ANXA4: variants seen among roughly 807,000 people sequenced by gnomAD.
The protein encoded by ANXA4 is annexin A4, also known as 35-beta calcimedin.
ANXA4 carries 39 observed loss-of-function variants against 49.8 expected under a neutral mutation model. The ratio of observed to expected loss-of-function variants is 0.78; its 90% CI spans 0.61 to 1.02. The LOEUF is 1.02. Among genes scored for constraint, ANXA4 ranks in the 50% least tolerant of loss-of-function variants. The probability of loss-of-function intolerance (pLI) is 0.00; values close to 1 mark genes in which losing one functional copy is unlikely to be tolerated. For missense variants in ANXA4, 360 were observed against 410.1 expected (o/e 0.88, Z 1.05); for synonymous variants, 134 against 152.5 (o/e 0.88, Z 0.89).
chr2:69,702,635 G>A (rs927453328), intron 2 of ANXA4, among the ~76,000 whole-genome samples: 7 of 152,050 alleles, frequency 4.6e-5, no homozygotes, highest in African/African-American at 1.2e-4. Flanking sequence ...AATCACTTGA[G>A]CCCAAGAGTT....
At chr2:69,774,359 A>G (rs1232271006) in intron 1 of ANXA4, among the ~76,000 whole-genome samples, 1 of 82,328 alleles carries the variant, frequency 1.2e-5, no homozygotes, top group Admixed American at 2.4e-4. Context: ...TTTTTTTGAG[A>G]CAGAGTTTCG....
chr2:69,692,303 A>G (rs1284619878), intron 2 of ANXA4, among the ~76,000 whole-genome samples: 1 of 152,250 alleles, frequency 6.6e-6, no homozygotes. Flanking sequence ...GCATTATGCA[A>G]TTTACCATGA....
chr2:69,815,767 A>G lies in ANXA4; in HGVS notation c.535-334A>G, dbSNP rs796432252. On this transcript the variant is annotated intron_variant, in intron 8 of 12. Coordinates refer to ENST00000394295, the MANE Select transcript of ANXA4 (RefSeq NM_001153.5). ...GAATTTTAAATTGTATTTAATTTCA[A>G]TTAACATTTAAACAGCCACATGTGG... 3.8e-5 allele frequency: 9 copies of G among 237,394 alleles called. No homozygotes were observed. In the South Asian group the frequency reaches 3.9e-4, roughly 10 times the overall value. The allele number at this position is 237,394 out of a possible 1,614,324, so 14.7% of individuals were successfully genotyped here. A position where few individuals can be genotyped will look rare whatever the true frequency, so the allele number is the denominator to read the frequency against.
chr2:69,649,944 T>A (rs992599872), intron 1 of ANXA4, among the ~76,000 whole-genome samples: 1 of 137,188 alleles, frequency 7.3e-6, no homozygotes, highest in African/African-American at 2.8e-5. Context: ...TTTTTTTTTT[T>A]TTTTTTTTTG....
At chr2:69,690,854 A>G (rs112828754) in intron 2 of ANXA4, among the ~76,000 whole-genome samples, 252 of 152,336 alleles carry the variant, frequency 1.7e-3, no homozygotes, top group African/African-American at 5.9e-3. Flanking sequence ...ATTAAGCACC[A>G]TGTTTCAGTG....
chr2:69,772,479 C>CA (rs1158076230), intron 1 of ANXA4, among the ~76,000 whole-genome samples: 2 of 151,930 alleles, frequency 1.3e-5, no homozygotes, highest in African/African-American at 2.4e-5. Context: ...TGGGAGCTGT[C>CA]ATTCTGTGCA....
intron 2 of ANXA4, among the ~76,000 whole-genome samples, chr2:69,695,037 G>A (rs1678115610): frequency 6.6e-6 from 1 of 152,088 alleles, no homozygotes; most frequent in African/African-American, 2.4e-5. Flanking sequence ...AGCTACTCAG[G>A]AGGCTGAGAG....
intron 2 of ANXA4, among the ~76,000 whole-genome samples, chr2:69,700,710 A>C (rs1040680151): frequency 2.8e-4 from 42 of 152,200 alleles, no homozygotes; most frequent in Admixed American, 2.8e-3. Flanking sequence ...ATGGTATTAC[A>C]TAATTATTTA....
intron 2 of ANXA4, among the ~76,000 whole-genome samples, chr2:69,700,907 C>G (rs986260838): frequency 1.3e-5 from 2 of 152,152 alleles, no homozygotes; most frequent in African/African-American, 4.8e-5. Flanking sequence ...GAGTCCCACT[C>G]TGTCACCCAG....
intron 3 of ANXA4, among the ~76,000 whole-genome samples, chr2:69,726,424 C>A (rs1203464424): frequency 6.6e-6 from 1 of 152,192 alleles, no homozygotes; most frequent in East Asian, 1.9e-4. Context: ...TTCTTCAGCT[C>A]AGGAGTTTAA....
intron 1 of ANXA4, among the ~76,000 whole-genome samples, chr2:69,779,079 G>A (rs930739717): frequency 8.1e-6 from 1 of 122,788 alleles, no homozygotes; most frequent in Non-Finnish European, 1.6e-5. Flanking sequence ...CTGCACTCTA[G>A]CCTGGGCAAC....
At chr2:69,768,986 C>T (rs1217994094) in intron 1 of ANXA4, among the ~76,000 whole-genome samples, 1 of 152,098 alleles carries the variant, frequency 6.6e-6, no homozygotes, top group African/African-American at 2.4e-5. Flanking sequence ...TTCCAAAGGT[C>T]TCTAGTCCAC....
intron 11 of ANXA4, among the ~76,000 whole-genome samples, chr2:69,820,154 A>G (rs554612538): frequency 6.6e-6 from 1 of 152,132 alleles, no homozygotes; most frequent in African/African-American, 2.4e-5. Context: ...CTAGGCAAGT[A>G]TGTGCAAAAC....
At chr2:69,812,009 C>G (rs942407696) in intron 7 of ANXA4, among the ~76,000 whole-genome samples, 1 of 152,060 alleles carries the variant, frequency 6.6e-6, no homozygotes, top group Non-Finnish European at 1.5e-5. Flanking sequence ...TTCCACCCTG[C>G]CTTCTTGTGA....
intron 8 of ANXA4, among the ~76,000 whole-genome samples, chr2:69,813,008 T>C (rs1233461815): frequency 6.6e-6 from 1 of 152,176 alleles, no homozygotes; most frequent in Non-Finnish European, 1.5e-5. Context: ...CTGTTCACTG[T>C]GCACTTTTAC....
intron 1 of ANXA4, among the ~76,000 whole-genome samples, chr2:69,751,812 C>T (rs1046346756): frequency 6.6e-6 from 1 of 152,074 alleles, no homozygotes; most frequent in Non-Finnish European, 1.5e-5. Context: ...AGAACCTTGG[C>T]GTAGGGTCTT....
intron 2 of ANXA4, among the ~76,000 whole-genome samples, chr2:69,696,504 A>T (rs745999844): frequency 2.6e-4 from 40 of 152,330 alleles, no homozygotes; most frequent in South Asian, 4.1e-4. Context: ...AACTCTGTTG[A>T]TGTTGATAGT....
chr2:69,649,519 A>G (rs1431849336), intron 1 of ANXA4, among the ~76,000 whole-genome samples: 1 of 150,528 alleles, frequency 6.6e-6, no homozygotes, highest in Non-Finnish European at 1.5e-5. Flanking sequence ...TTACTGTCAA[A>G]TGTTTTATTT....
intron 6 of ANXA4, chr2:69,808,264 T>G (rs535623456): frequency 5.4e-6 from 2 of 372,382 alleles, no homozygotes; most frequent in Non-Finnish European, 1.0e-5. Context: ...TGTTCCTTAT[T>G]ATCAGACAAA....
Sources: allele counts gnomAD v4.1 joint callset (sites outside exome capture counted in the v4.1 genomes callset), GRCh38; gene constraint gnomAD v4.1.1; transcripts MANE v1.5; gene names NCBI Gene and HGNC (gene_info 2026-07-23, HGNC 2026-07-21).